GRIK5: variants seen among roughly 807,000 people sequenced by gnomAD.
The protein encoded by GRIK5 is glutamate receptor ionotropic, kainate 5.
GRIK5 carries 43 observed loss-of-function variants against 97.4 expected under a neutral mutation model. That is an observed-to-expected ratio of 0.44 (90% CI 0.35 to 0.57). The LOEUF (loss-of-function observed/expected upper bound fraction) is 0.57. GRIK5 is among the 20% of genes least tolerant of loss of function. The pLI is 0.01. For synonymous variants in GRIK5, 580 were observed against 583.5 expected (o/e 0.99, Z 0.09); for missense variants, 1,015 against 1,382.0 (o/e 0.73, Z 4.21).
rs2075436674 is a variant in GRIK5 at position 42,002,616 on chromosome 19, G to C, written c.2514+716C>G. The stretch of plus-strand genomic sequence containing the variant: ...AGGAAGGGCTGGAGGCTGACAGAGA[G>C]AGGGGAAGCAGGGAACCAGCAGTCC... On this transcript the variant is annotated intron_variant, in intron 19 of 19. Coordinates refer to ENST00000593562, the MANE Select transcript of GRIK5 (RefSeq NM_002088.5). The surrounding 1 kb of genome is among the most constrained non-coding windows in gnomAD (Gnocchi z 5.2). The C allele has an allele frequency of 3.2e-6, 2 of 628,694 alleles. No individual in the cohort carries two copies. The highest frequency in any genetic ancestry group is 3.7e-4 in the Middle Eastern group (1 of 2,682). The allele number at this position is 628,694 out of a possible 1,614,324, so 38.9% of individuals were successfully genotyped here.
intron 12 of GRIK5, among the ~76,000 whole-genome samples, chr19:42,041,329 A>G (rs996282513): frequency 1.3e-5 from 2 of 152,080 alleles, no homozygotes; most frequent in Non-Finnish European, 2.9e-5. Context: ...GGAGTGTCCT[A>G]ATCAGGGGCC....
At chr19:42,029,636 C>G (rs2075817255) in intron 12 of GRIK5, among the ~76,000 whole-genome samples, 1 of 152,118 alleles carries the variant, frequency 6.6e-6, no homozygotes, top group African/African-American at 2.4e-5. Context: ...GGTGCTTGCT[C>G]AAGGCTCCAT....
At chr19:42,048,517 G>A (rs1215338150) in intron 11 of GRIK5, among the ~76,000 whole-genome samples, 1 of 152,196 alleles carries the variant, frequency 6.6e-6, no homozygotes, top group Non-Finnish European at 1.5e-5. Context: ...CTACTTGGGA[G>A]GCTGAGGCAG....
chr19:42,063,256 T>C (rs1173543998), intron 3 of GRIK5: 1 of 461,776 alleles, frequency 2.2e-6, no homozygotes, highest in Non-Finnish European at 4.3e-6. Context: ...CCAGGTCCCC[T>C]GGAGCCTTCC....
Position 42,002,301 on chromosome 19 carries a change from G to A in GRIK5, c.2514+1031C>T. On this transcript the variant is annotated intron_variant, in intron 19 of 19. Transcript: ENST00000593562. This position sits in a 1 kb window ranked among gnomAD's most constrained non-coding sequence, Gnocchi z 5.2. ...GTGGGCGGTGGCTGGGAGGGAAAGT[G>A]AGGTCAGGAGAGGGTTTAAGACTGG... 1 of 717,674 alleles carries A rather than the reference G, an allele frequency of 1.4e-6. No individual in the cohort carries two copies. Among genetic ancestry groups the A allele is most frequent in the Non-Finnish European group, 2.6e-6 (1 of 385,122 alleles). The allele number at this position is 717,674 out of a possible 1,614,324, so 44.5% of individuals were successfully genotyped here.
chr19:42,063,176 T>C, intron 3 of GRIK5: 1 of 488,846 alleles, frequency 2.0e-6, no homozygotes, highest in South Asian at 1.6e-5. Flanking sequence ...TCAGCCACTG[T>C]TGTTCTCAAC....
intron 12 of GRIK5, among the ~76,000 whole-genome samples, chr19:42,029,534 C>T (rs139340920): frequency 1.9e-4 from 29 of 152,122 alleles, no homozygotes; most frequent in Non-Finnish European, 3.7e-4. Flanking sequence ...GCCGAGATCG[C>T]GCCACTGCAC....
intron 12 of GRIK5, among the ~76,000 whole-genome samples, chr19:42,037,587 G>A (rs2075923817): frequency 6.6e-6 from 1 of 152,218 alleles, no homozygotes; most frequent in Non-Finnish European, 1.5e-5. Context: ...GAGCACTGGG[G>A]ACCTGAAGCT....
rs2075713819 is a variant in GRIK5, at chr19:42,022,554, C to T, written c.1474-200G>A. ...ATCGGACCCTCATCGCATGTCCATC[C>T]TCATCATCTCACGTCTCCAGACACA... On this transcript the variant is annotated intron_variant, in intron 12 of 19. Transcript: ENST00000593562. The surrounding 1 kb of genome is among the most constrained non-coding windows in gnomAD (Gnocchi z 4.2). 1.5e-5 allele frequency: 15 copies of T among 985,266 alleles called. No individual in the cohort carries two copies. The highest frequency in any genetic ancestry group is 1.4e-4 in the South Asian group (3 of 21,282). The allele number at this position is 985,266 out of a possible 1,614,324, so 61.0% of individuals were successfully genotyped here.
chr19:42,042,655 A>T lies in GRIK5; in HGVS notation c.1370T>A (p.Leu457Gln). Residue 457 changes from leucine (L) to glutamine (Q), a missense_variant, in exon 12 of 20, where the codon CTG becomes CAG. Leu to Gln is a moderately radical substitution (Grantham distance 113). Around this residue, in one of 5 missense-constraint regions of GRIK5, gnomAD observed 477 missense variants for 701.1 expected, o/e 0.68. Coordinates refer to ENST00000593562, the MANE Select transcript of GRIK5 (RefSeq NM_002088.5). The surrounding 1 kb of genome is among the most constrained non-coding windows in gnomAD (Gnocchi z 6.9). Reference sequence around the variant, plus strand: ...CCGCAGGCGGTAGCGGAAGCGCAGCAGCTCGGCCAGCTCCCGCAGCATGTC... The same window carrying T: ...CCGCAGGCGGTAGCGGAAGCGCAGCTGCTCGGCCAGCTCCCGCAGCATGTC... ...CVDMLRELAELLRFRYRLRLV... is the reference protein window; with the variant it reads ...CVDMLRELAEQLRFRYRLRLV... The T allele has an allele frequency of 6.2e-7, 1 of 1,613,472 alleles. No individual in the cohort carries two copies. Among genetic ancestry groups the T allele is most frequent in the Non-Finnish European group, 8.5e-7 (1 of 1,179,952 alleles).
Position 42,065,238 on chromosome 19 carries a change from C to T in GRIK5, c.229G>A (p.Glu77Lys), listed in dbSNP as rs143057585. The T allele has an allele frequency of 1.4e-4, 221 of 1,611,928 alleles. No individual in the cohort carries two copies. Among genetic ancestry groups the T allele is most frequent in the Non-Finnish European group, 1.6e-4 (189 of 1,179,106 alleles). Residue 77 changes from glutamate (E) to lysine (K), a missense_variant, in exon 3 of 20, where the codon GAG (glutamate) becomes AAG (lysine). Coordinates refer to ENST00000593562, the MANE Select transcript of GRIK5 (RefSeq NM_002088.5). The surrounding 1 kb of genome is among the most constrained non-coding windows in gnomAD (Gnocchi z 5.8). The part of the protein sequence containing the change: ...IFELQRDSQY[E>K]TTDTMCQILP... ...CCCCGCTCACTGGTGTCCGTGGTCT[C>T]GTACTGGCTGTCCCGCTGCAGCTCA...
chr19:42,031,790 A>C (rs1334464326), intron 12 of GRIK5, among the ~76,000 whole-genome samples: 1 of 152,220 alleles, frequency 6.6e-6, no homozygotes, highest in Non-Finnish European at 1.5e-5. Flanking sequence ...TGTTCAGAGA[A>C]CCAATCCTAA....
chr19:42,044,398 C>CTACA (rs2076017885), intron 11 of GRIK5, among the ~76,000 whole-genome samples: 1 of 152,186 alleles, frequency 6.6e-6, no homozygotes, highest in Admixed American at 6.5e-5. Flanking sequence ...AATCTCTGAC[C>CTACA]TACAGTCAGT....
chr19:42,042,240 C>T lies in GRIK5; in HGVS notation c.1473+312G>A, dbSNP rs1018566966. Among the ~76,000 whole-genome samples the T allele has an allele frequency of 6.6e-6, 1 of 152,210 alleles. No individual in the cohort carries two copies. Among genetic ancestry groups the T allele is most frequent in the Non-Finnish European group, 1.5e-5 (1 of 68,032 alleles). Reference sequence around the variant, plus strand: ...CTCAGACCTTTTCCTGCTCCCCACTCCATGTCTCTTTCATTCACTTAACAA... The same window carrying T: ...CTCAGACCTTTTCCTGCTCCCCACTTCATGTCTCTTTCATTCACTTAACAA... On this transcript the variant is annotated intron_variant, in intron 12 of 19. Transcript: ENST00000593562. This position sits in a 1 kb window ranked among gnomAD's most constrained non-coding sequence, Gnocchi z 6.9.
intron 17 of GRIK5, among the ~76,000 whole-genome samples, chr19:42,004,096 T>G (rs1308569932): frequency 6.6e-6 from 1 of 152,208 alleles, no homozygotes; most frequent in Non-Finnish European, 1.5e-5. Context: ...TCTGCCCACA[T>G]GCTGGCTCCC....
intron 5 of GRIK5, 150 bp from the exon 6 acceptor site, chr19:42,059,677 T>A: frequency 1.6e-6 from 1 of 629,636 alleles, no homozygotes; most frequent in Non-Finnish European, 2.7e-6. Flanking sequence ...GGTAATGGGC[T>A]TGGGGACCCA....
Position 42,005,871 on chromosome 19 carries a change from T to C in GRIK5, c.2115A>G (p.Thr705=), listed in dbSNP as rs782185639. ...SKQPSVFVKS[T]EEGIARVLNS... is the part of the protein sequence containing the mutation. ...TGAGGACGCGGGCAATGCCCTCTTC[T>C]GTGCTCTTGACGAACACGCTGGGCT... Residue 705 remains threonine (T), a synonymous_variant, in exon 17 of 20, where the codon ACA becomes ACG. Coordinates refer to ENST00000593562, the MANE Select transcript of GRIK5 (RefSeq NM_002088.5). 2.5e-6 allele frequency: 4 copies of C among 1,611,824 alleles called. No individual in the cohort carries two copies. The highest frequency in any genetic ancestry group is 2.2e-5 in the South Asian group (2 of 90,940).
chr19:42,037,771 C>T (rs1056285789), intron 12 of GRIK5, among the ~76,000 whole-genome samples: 3 of 152,062 alleles, frequency 2.0e-5, no homozygotes, highest in African/African-American at 7.2e-5. Flanking sequence ...CTGACTCTCC[C>T]CAAGAGCAGC....
In GRIK5 at chr19:42,053,949, G is replaced by A; in HGVS notation, c.1057-20C>T. ...CTCTACCTGGCAGGGTGGGGAGGTG[G>A]GGCAGAGGGAGAGTGCAGGGGCCCA... is the stretch of plus-strand genomic sequence containing the variant. On this transcript the variant is annotated intron_variant, in intron 9 of 19. Coordinates refer to ENST00000593562, the MANE Select transcript of GRIK5 (RefSeq NM_002088.5). The A allele has an allele frequency of 6.4e-7, 1 of 1,556,262 alleles. No homozygotes were observed. The highest frequency in any genetic ancestry group is 8.9e-7 in the Non-Finnish European group (1 of 1,128,024).
Sources: gnomAD v4.1 joint callset for allele counts (sites outside exome capture counted in the v4.1 genomes callset) on GRCh38, gnomAD v4.1.1 for gene constraint, gnomAD v4.1.1 regional missense constraint, Gnocchi (gnomAD v3.1) non-coding constraint, MANE v1.5 for transcripts, NCBI Gene and HGNC (gene_info 2026-07-23, HGNC 2026-07-21) for gene names.